The following COPS4 variants were observed in gnomAD, a reference collection of about 807,000 sequenced individuals.
COPS4 encodes the protein COP9 signalosome subunit 4, also known as COP9 signalosome complex subunit 4.
Under a neutral mutation model 55.1 loss-of-function variants are expected in COPS4, and 8 were observed. That is an observed-to-expected ratio of 0.15 (90% CI 0.09 to 0.26). The LOEUF is 0.26. COPS4 is among the 10% of genes least tolerant of loss of function. The pLI, the probability that COPS4 is intolerant of heterozygous loss-of-function variation, is 1.00. For missense variants in COPS4, 248 were observed against 484.0 expected, an observed-to-expected ratio of 0.51 and a Z score of 4.58; for synonymous variants, 185 against 165.7, an observed-to-expected ratio of 1.12 and a Z score of -0.90.
chr4:83,042,278 A>G (rs1730589338), intron 1 of COPS4, among the ~76,000 whole-genome samples: 1 of 152,230 alleles, frequency 6.6e-6, no homozygotes, highest in South Asian at 2.1e-4. Flanking sequence ...TTAGTATCAT[A>G]CACAGAATCT....
chr4:83,058,025 A>C (rs930262128), intron 6 of COPS4, among the ~76,000 whole-genome samples: 1 of 151,736 alleles, frequency 6.6e-6, no homozygotes, highest in African/African-American at 2.4e-5. Context: ...GTGAAACAAA[A>C]ATTAAAATCT....
intron 1 of COPS4, 170 bp downstream of exon 1, chr4:83,035,468 C>A: frequency 4.5e-6 from 2 of 447,336 alleles, no homozygotes; most frequent in Admixed American, 3.0e-5. Flanking sequence ...AAGCAGAAAG[C>A]TGGAGGGGAC....
intron 9 of COPS4, 116 bp from the exon 10 acceptor site, chr4:83,075,181 T>TA (rs1175908694): frequency 2.3e-6 from 2 of 851,886 alleles, no homozygotes; most frequent in Admixed American, 5.8e-5. Context: ...TTTAGGTATT[T>TA]AAAAGGAACA....
chr4:83,041,390 G>A (rs752522776), intron 1 of COPS4, among the ~76,000 whole-genome samples: 1 of 151,846 alleles, frequency 6.6e-6, no homozygotes, highest in East Asian at 1.9e-4. Flanking sequence ...AAAATATTTG[G>A]CACTTGTCAC....
At chr4:83,038,491 A>G (rs1215707252) in intron 1 of COPS4, among the ~76,000 whole-genome samples, 1 of 152,142 alleles carries the variant, frequency 6.6e-6, no homozygotes, top group African/African-American at 2.4e-5. Context: ...AATTGACTAC[A>G]CTTCAGATAG....
At chr4:83,068,574 A>T in intron 9 of COPS4, 52 bp downstream of exon 9, 1 of 1,119,364 alleles carries the variant, frequency 8.9e-7, no homozygotes, top group Non-Finnish European at 1.4e-6. Context: ...GAACTGTTAT[A>T]TTTGTGATTA....
In COPS4 at chr4:83,075,503, A is replaced by G. The variant is rs959533116; in HGVS notation, c.*73A>G. On this transcript the variant is annotated 3_prime_UTR_variant, in exon 10 of 10. Transcript: ENST00000264389. Reference sequence around the variant, plus strand: ...AGATCAGTTTCACTATCTCCAAAGCATTTGCATCATGACCTTATACATTTC... The same window carrying G: ...AGATCAGTTTCACTATCTCCAAAGCGTTTGCATCATGACCTTATACATTTC... 10 of 1,541,518 alleles carry G rather than the reference A, an allele frequency of 6.5e-6. No individual in the cohort carries two copies. The highest frequency in any genetic ancestry group is 1.7e-4 in the Middle Eastern group (1 of 5,880).
At chr4:83,039,666 C>G (rs1215505836) in intron 1 of COPS4, among the ~76,000 whole-genome samples, 8 of 152,150 alleles carry the variant, frequency 5.3e-5, no homozygotes, top group Admixed American at 3.9e-4. Context: ...GGGTCTTGCT[C>G]TGTTGCCCTG....
chr4:83,047,264 G>A (rs1531239), intron 2 of COPS4, among the ~76,000 whole-genome samples: 2 of 152,162 alleles, frequency 1.3e-5, no homozygotes, highest in African/African-American at 4.8e-5. Context: ...GGCTGGGCAC[G>A]GTGGCTCATG....
intron 6 of COPS4, among the ~76,000 whole-genome samples, chr4:83,060,186 CTTT>C (rs70943198): frequency 5.7e-5 from 8 of 139,878 alleles, no homozygotes; most frequent in Admixed American, 1.4e-4. Flanking sequence ...TGGTATAGTT[CTTT>C]TTTTTTTTTT....
At chr4:83,039,527 CG>C (rs1730506493) in intron 1 of COPS4, among the ~76,000 whole-genome samples, 1 of 152,072 alleles carries the variant, frequency 6.6e-6, no homozygotes, top group Non-Finnish European at 1.5e-5. Flanking sequence ...ATATTGTGGC[CG>C]TTTTTTGTAA....
rs1213495012 is a variant in COPS4 at position 83,068,426 on chromosome 4, T to TC, written c.1003-12_1003-11insC. 1.9e-6 allele frequency: 3 copies of TC among 1,584,538 alleles called. No individual in the cohort carries two copies. The African/African-American group carries it at 4.1e-5, about 21-fold the overall frequency. On this transcript the variant is annotated splice_polypyrimidine_tract_variant and intron_variant, in intron 8 of 9. Transcript: ENST00000264389. ...TGATAAAGTTTCTGAGAGTTTTTTT[T>TC]TCCCCCAATAGGCGGAAAAGATAGC...
At chr4:83,041,727 A>G (rs1222726431) in intron 1 of COPS4, among the ~76,000 whole-genome samples, 2 of 151,748 alleles carry the variant, frequency 1.3e-5, no homozygotes, top group Non-Finnish European at 2.9e-5. Context: ...TTGGCCTCCC[A>G]AAGTGCTGGG....
chr4:83,070,459 G>A (rs1731395628), intron 9 of COPS4, among the ~76,000 whole-genome samples: 1 of 152,092 alleles, frequency 6.6e-6, no homozygotes, highest in African/African-American at 2.4e-5. Context: ...CCCTTCTTGT[G>A]TGTCCCCCAC....
At chr4:83,071,291 A>G (rs1367512258) in intron 9 of COPS4, among the ~76,000 whole-genome samples, 1 of 152,220 alleles carries the variant, frequency 6.6e-6, no homozygotes, top group Non-Finnish European at 1.5e-5. Flanking sequence ...TGTTGAATAA[A>G]CAAACACAGC....
chr4:83,065,529 A>G (rs1731273607), intron 7 of COPS4, among the ~76,000 whole-genome samples: 1 of 152,206 alleles, frequency 6.6e-6, no homozygotes, highest in Non-Finnish European at 1.5e-5. Flanking sequence ...GTCTCCAAGT[A>G]TATTTTGTCC....
intron 2 of COPS4, among the ~76,000 whole-genome samples, chr4:83,046,324 C>T (rs970502786): frequency 6.6e-6 from 1 of 152,152 alleles, no homozygotes; most frequent in Non-Finnish European, 1.5e-5. Context: ...AATGCTTATA[C>T]ACTGTTGGTG....
chr4:83,050,008 A>G (rs1166294746), intron 4 of COPS4, 24 bp downstream of exon 4: 19 of 1,343,912 alleles, frequency 1.4e-5, no homozygotes, highest in Non-Finnish European at 2.0e-5. Context: ...TGGATATTGG[A>G]TGACTATATA....
intron 6 of COPS4, among the ~76,000 whole-genome samples, chr4:83,062,201 A>G (rs146903467): frequency 8.8e-4 from 134 of 152,286 alleles, no homozygotes; most frequent in African/African-American, 3.1e-3. Context: ...TCAGATAAAT[A>G]TTTTTTCATC....
Sources: allele counts gnomAD v4.1 joint callset (sites outside exome capture counted in the v4.1 genomes callset), GRCh38; gene constraint gnomAD v4.1.1; transcripts MANE v1.5; gene names NCBI Gene and HGNC (gene_info 2026-07-23, HGNC 2026-07-21).